The following SEZ6 variants were observed in gnomAD, a reference collection of about 807,000 sequenced individuals.
SEZ6 encodes the protein seizure related 6 homolog, also known as seizure protein 6 homolog.
SEZ6 carries 53 observed loss-of-function variants against 101.0 expected under a neutral mutation model. The observed-to-expected ratio is 0.52, with a 90% CI of 0.42 to 0.66. The LOEUF is 0.66. Among genes scored for constraint, SEZ6 ranks in the 30% least tolerant of loss-of-function variants. The pLI is 0.00. For synonymous variants in SEZ6, 488 were observed against 512.2 expected, an observed-to-expected ratio of 0.95 and a Z score of 0.64; for missense variants, 1,102 against 1,289.4, an observed-to-expected ratio of 0.85 and a Z score of 2.23.
chr17:28,961,362 A>G (rs911641351), intron 5 of SEZ6, among the ~76,000 whole-genome samples: 3 of 152,082 alleles, frequency 2.0e-5, no homozygotes, highest in Admixed American at 2.0e-4. Flanking sequence ...ACCTTCTTGG[A>G]TACATCTGCT....
At position 28,959,462 on chromosome 17, in the gene SEZ6, G is replaced by A. The variant is rs747745682; in HGVS notation, c.1782C>T (p.Ser594=). 1.9e-5 allele frequency: 31 copies of A among 1,612,900 alleles called. No homozygotes were observed. The highest frequency in any genetic ancestry group is 1.9e-4 in the African/African-American group (14 of 74,932). The change falls in exon 9 of 17, where the codon AGC becomes AGT. Residue 594 remains serine, a synonymous_variant. Coordinates refer to ENST00000317338, the MANE Select transcript of SEZ6 (RefSeq NM_178860.5). The surrounding 1 kb of genome is among the most constrained non-coding windows in gnomAD (Gnocchi z 4.4). The part of the protein sequence containing the change: ...ETEPACRAVC[S]GEITDSAGVV... Reference sequence around the variant, plus strand: ...CGCCAGCCGAGTCTGTGATCTCCCCGCTGCACACGGCTGGAAGGCAGAGGA... The same window carrying A: ...CGCCAGCCGAGTCTGTGATCTCCCCACTGCACACGGCTGGAAGGCAGAGGA...
intron 4 of SEZ6, among the ~76,000 whole-genome samples, chr17:28,965,615 G>C (rs945399490): frequency 3.3e-5 from 5 of 152,188 alleles, no homozygotes; most frequent in Non-Finnish European, 7.3e-5. Context: ...CTCCAGCCTA[G>C]GTGACAGAGT....
chr17:28,991,688 G>A (rs73986769), intron 1 of SEZ6, among the ~76,000 whole-genome samples: 7 of 152,194 alleles, frequency 4.6e-5, no homozygotes, highest in South Asian at 2.1e-4. Context: ...GGAAAACTGC[G>A]GCTTGGGATT....
intron 1 of SEZ6, among the ~76,000 whole-genome samples, chr17:28,994,636 C>T (rs1568002005): frequency 6.6e-6 from 1 of 151,882 alleles, no homozygotes; most frequent in Admixed American, 6.6e-5. Context: ...GTCTCGATCT[C>T]CTGACCTTGT....
At chr17:28,999,148 T>C (rs989240452) in intron 1 of SEZ6, among the ~76,000 whole-genome samples, 2 of 151,994 alleles carry the variant, frequency 1.3e-5, no homozygotes, top group African/African-American at 4.8e-5. Context: ...CTATTGGTGT[T>C]TGGGAAACAG....
At chr17:28,969,251 A>G (rs4795480) in intron 4 of SEZ6, among the ~76,000 whole-genome samples, 45,148 of 152,040 alleles carry the variant, frequency 0.3, 7,081 homozygotes, top group African/African-American at 0.4. Context: ...AGGTGGGTGA[A>G]GCAGTTCAGG....
intron 1 of SEZ6, among the ~76,000 whole-genome samples, chr17:28,999,951 A>G (rs2041592974): frequency 6.6e-6 from 1 of 152,166 alleles, no homozygotes; most frequent in African/African-American, 2.4e-5. Context: ...ACTGAGAAGC[A>G]CCTATCATCA....
intron 4 of SEZ6, among the ~76,000 whole-genome samples, chr17:28,968,436 G>A (rs184114636): frequency 4.6e-5 from 7 of 152,220 alleles, no homozygotes; most frequent in South Asian, 2.1e-4. Flanking sequence ...GAGGAGGTCC[G>A]GAGTTTTGTG....
intron 7 of SEZ6, 95 bp downstream of exon 7, chr17:28,960,410 T>C (rs1195412038): frequency 2.0e-6 from 3 of 1,478,786 alleles, no homozygotes; most frequent in Non-Finnish European, 2.7e-6. Context: ...AGTGACAGCA[T>C]GGAGGCAGAG....
intron 1 of SEZ6, among the ~76,000 whole-genome samples, chr17:28,987,975 C>T (rs1252514820): frequency 6.6e-6 from 1 of 152,206 alleles, no homozygotes; most frequent in African/African-American, 2.4e-5. Context: ...CCAAGCTGGA[C>T]ACCACTATCC....
intron 1 of SEZ6, among the ~76,000 whole-genome samples, chr17:28,991,897 T>G (rs2041465912): frequency 6.6e-6 from 1 of 152,106 alleles, no homozygotes. Flanking sequence ...CAGAGCCAGT[T>G]TAGGAGGATT....
chr17:28,984,459 C>T (rs1398355724), intron 1 of SEZ6, among the ~76,000 whole-genome samples: 1 of 152,152 alleles, frequency 6.6e-6, no homozygotes, highest in Admixed American at 6.5e-5. Flanking sequence ...TGTGACTCTT[C>T]CTGGGAGAGG....
rs969120180 is a variant in SEZ6, at chr17:29,005,147, G to T, written c.55+668C>A. Among the ~76,000 whole-genome samples the T allele has an allele frequency of 2.0e-5, 3 of 151,652 alleles. No individual in the cohort carries two copies. Among genetic ancestry groups the T allele is most frequent in the Admixed American group, 6.6e-5 (1 of 15,230 alleles). ...AGGAAAGGACTTTGGGGAGGACAGAGTCTCTATCCCAGGATCTCCGCTGCT... is the reference window on the plus strand; with the variant it reads ...AGGAAAGGACTTTGGGGAGGACAGATTCTCTATCCCAGGATCTCCGCTGCT... On this transcript the variant is annotated intron_variant, in intron 1 of 16. Coordinates refer to ENST00000317338, the MANE Select transcript of SEZ6 (RefSeq NM_178860.5). The surrounding 1 kb of genome is among the most constrained non-coding windows in gnomAD (Gnocchi z 4.8).
At chr17:28,961,109 C>A in intron 5 of SEZ6, 136 bp from the exon 6 acceptor site, 1 of 1,138,070 alleles carries the variant, frequency 8.8e-7, no homozygotes, top group Non-Finnish European at 1.2e-6. Context: ...TCTTGGCCCT[C>A]ATCGTCCTGA....
Position 28,960,982 on chromosome 17 carries a change from A to C in SEZ6, c.1241-9T>G. 6.2e-7 allele frequency: 1 copy of C among 1,611,314 alleles called. No homozygotes were observed. The highest frequency in any genetic ancestry group is 1.1e-5 in the South Asian group (1 of 90,962). The stretch of plus-strand genomic sequence containing the variant: ...CACTCCGCCGCAAGCAGCTGTTAAG[A>C]CCAGGACAGGACGTAGGCTAGGCCC... On this transcript the variant is annotated splice_polypyrimidine_tract_variant and intron_variant, in intron 5 of 16. Transcript: ENST00000317338.
At chr17:29,001,930 G>A (rs1052512074) in intron 1 of SEZ6, among the ~76,000 whole-genome samples, 1 of 152,168 alleles carries the variant, frequency 6.6e-6, no homozygotes, top group Non-Finnish European at 1.5e-5. Flanking sequence ...TATAAGGCAT[G>A]GCAACTTCCA....
At chr17:28,998,300 C>A (rs933200939) in intron 1 of SEZ6, among the ~76,000 whole-genome samples, 1 of 151,794 alleles carries the variant, frequency 6.6e-6, no homozygotes, top group African/African-American at 2.4e-5. Context: ...GACTCATGAC[C>A]AGTTAGAGGG....
intron 1 of SEZ6, among the ~76,000 whole-genome samples, chr17:28,992,080 C>T (rs753556719): frequency 6.6e-6 from 1 of 152,170 alleles, no homozygotes; most frequent in African/African-American, 2.4e-5. Flanking sequence ...TGCCTGGCCT[C>T]GGGCACAGGA....
Position 28,955,830 on chromosome 17 carries a change from G to T in SEZ6, c.*132C>A. 2 of 1,050,068 alleles carry T rather than the reference G, an allele frequency of 1.9e-6. No homozygotes were observed. The highest frequency in any genetic ancestry group is 1.4e-6 in the Non-Finnish European group (1 of 690,666). 65.0% of individuals were successfully genotyped at this position (1,050,068 alleles called of 1,614,324 possible). ...CGGGGAAGGGCACAACTTCTTGAGG[G>T]CTTGGTGGCATCTCCTCCTAGGTGG... On this transcript the variant is annotated 3_prime_UTR_variant, in exon 17 of 17. Coordinates refer to ENST00000317338, the MANE Select transcript of SEZ6 (RefSeq NM_178860.5).
Sources: gnomAD v4.1 joint callset for allele counts (sites outside exome capture counted in the v4.1 genomes callset) on GRCh38, gnomAD v4.1.1 for gene constraint, Gnocchi (gnomAD v3.1) non-coding constraint, MANE v1.5 for transcripts, NCBI Gene and HGNC (gene_info 2026-07-23, HGNC 2026-07-21) for gene names.